Variants in ARPIN observed in about 807,000 individuals in gnomAD.
The protein encoded by ARPIN is actin related protein 2/3 complex inhibitor.
A neutral mutation model predicts 25.9 loss-of-function variants in ARPIN; 23 were observed. The ratio of observed to expected loss-of-function variants is 0.89; its 90% confidence interval spans 0.64 to 1.26. The LOEUF (loss-of-function observed/expected upper bound fraction) is 1.26, where lower values mean the gene tolerates loss of function less well. Ranked by LOEUF, ARPIN falls within the 50% of genes most tolerant of loss-of-function variation. The pLI is 0.00. For missense variants in ARPIN, 333 were observed against 312.2 expected, an observed-to-expected ratio of 1.07 and a Z score of -0.50; for synonymous variants, 126 against 131.4, an observed-to-expected ratio of 0.96 and a Z score of 0.28.
rs1896998416 is a variant in ARPIN at position 89,900,376 on chromosome 15, G to C, written c.*1419C>G. The C allele has an allele frequency of 1.3e-5, 2 of 152,244 alleles. No homozygotes were observed. The highest frequency in any genetic ancestry group is 1.3e-4 in the Admixed American group (2 of 15,280). The allele number at this position is 152,244 out of a possible 1,614,324, so 9.4% of individuals were successfully genotyped here. A position where few individuals can be genotyped will look rare whatever the true frequency, so the allele number is the denominator to read the frequency against. ...TGGGCAGGTTGCTTAACCTGTCTGA[G>C]ACCCTTTTCCTGCTCTGTAATATGA... is the stretch of plus-strand genomic sequence containing the variant. On this transcript the variant is annotated 3_prime_UTR_variant, in exon 6 of 6. Coordinates refer to ENST00000357484, the MANE Select transcript of ARPIN (RefSeq NM_182616.4).
chr15:89,910,179 G>T (rs1897197907), intron 2 of ARPIN, among the ~76,000 whole-genome samples: 1 of 152,162 alleles, frequency 6.6e-6, no homozygotes, highest in South Asian at 2.1e-4. Flanking sequence ...CCTACTGGAG[G>T]GGGCATTTTT....
chr15:89,903,052 G>A (rs970500415), intron 5 of ARPIN, 164 bp downstream of exon 5: 77 of 1,509,720 alleles, frequency 5.1e-5, no homozygotes, highest in Non-Finnish European at 6.2e-5. Flanking sequence ...TCATACCTTA[G>A]AGGAATTCTC....
At chr15:89,908,095 C>T (rs940806273) in intron 3 of ARPIN, among the ~76,000 whole-genome samples, 185 bp downstream of exon 3, 7 of 152,144 alleles carry the variant, frequency 4.6e-5, no homozygotes, top group Non-Finnish European at 7.4e-5. Flanking sequence ...GGGGAGGGAA[C>T]GGGGATCCTC....
At chr15:89,904,313 G>A (rs1040134195) in intron 3 of ARPIN, among the ~76,000 whole-genome samples, 8 of 152,188 alleles carry the variant, frequency 5.3e-5, no homozygotes, top group African/African-American at 1.4e-4. Context: ...GTAGCACAGC[G>A]CCTGGCACAT....
At chr15:89,908,789 C>A (rs1203110946) in intron 2 of ARPIN, among the ~76,000 whole-genome samples, 3 of 152,074 alleles carry the variant, frequency 2.0e-5, no homozygotes, top group Non-Finnish European at 4.4e-5. Context: ...CGAGACCAGC[C>A]TGGCCAGCAT....
intron 2 of ARPIN, 82 bp downstream of exon 2, chr15:89,910,662 G>A: frequency 6.4e-7 from 1 of 1,565,984 alleles, no homozygotes; most frequent in South Asian, 1.1e-5. Context: ...GGCACTGGAA[G>A]GACCCAGCAC....
At position 89,912,849 on chromosome 15, in the gene ARPIN, C is replaced by A; in HGVS notation, c.-14G>T. The A allele has an allele frequency of 6.6e-7, 1 of 1,516,782 alleles. No homozygotes were observed. Among genetic ancestry groups the A allele is most frequent in the Middle Eastern group, 2.3e-4 (1 of 4,334 alleles). 94.0% of individuals were successfully genotyped at this position (1,516,782 alleles called of 1,614,324 possible). A position where few individuals can be genotyped will look rare whatever the true frequency, so the allele number is the denominator to read the frequency against. On this transcript the variant is annotated 5_prime_UTR_variant, in exon 1 of 6. Transcript: ENST00000357484. ...GATGCGGCTCATTCTCCCGACCGCC[C>A]GGGCACCCCGGCACAGAGCCGGCGC...
In ARPIN at chr15:89,901,789, C is replaced by T. The variant is rs1231369483; in HGVS notation, c.*6G>A. On this transcript the variant is annotated 3_prime_UTR_variant, in exon 6 of 6. Coordinates refer to ENST00000357484, the MANE Select transcript of ARPIN (RefSeq NM_182616.4). ...GTGCTGGTGCCCCCAGAGGCAGCCA[C>T]GTCCCTCAGTCATCCTAGAGAAATC... 4 of 1,613,876 alleles carry T rather than the reference C, an allele frequency of 2.5e-6. No individual in the cohort carries two copies. Among genetic ancestry groups the T allele is most frequent in the East Asian group, 4.5e-5 (2 of 44,890 alleles).
At chr15:89,912,409 G>T in intron 1 of ARPIN, 1 of 1,120,786 alleles carries the variant, frequency 8.9e-7, no homozygotes, top group Admixed American at 5.2e-5. Context: ...AGCGCGGCAA[G>T]TAGCTGGAGT....
intron 2 of ARPIN, 140 bp downstream of exon 2, chr15:89,910,604 G>A: frequency 1.0e-6 from 1 of 987,512 alleles, no homozygotes; most frequent in South Asian, 1.5e-5. Context: ...TAAATCTCCT[G>A]ACCTACTTCC....
Position 89,908,402 on chromosome 15 carries a change from T to C in ARPIN, c.179A>G (p.Tyr60Cys), listed in dbSNP as rs1185302328. Residue 60 changes from tyrosine to cysteine, a missense_variant, in exon 3 of 6, where the codon TAC becomes TGC. Coordinates refer to ENST00000357484, the MANE Select transcript of ARPIN (RefSeq NM_182616.4). ...LDTHGRKERY[Y>C]VLYIRPSHIH... ...GTGACTGGGCCGGATATACAGCACG[T>C]AGTAGCGCTCCTGGGGCCAGGCAGA... is the stretch of plus-strand genomic sequence containing the variant. 1.2e-6 allele frequency: 2 copies of C among 1,613,896 alleles called. No homozygotes were observed. Among genetic ancestry groups the C allele is most frequent in the Non-Finnish European group, 1.7e-6 (2 of 1,179,982 alleles).
In ARPIN at chr15:89,896,996, A is replaced by G. The variant is rs961942379; in HGVS notation, c.*4799T>C. ...CAAGAACTTTGCAAAAGATTTCTAG[A>G]TTCTCAGTAATATGACTCCTGGGCA... is the stretch of plus-strand genomic sequence containing the variant. On this transcript the variant is annotated 3_prime_UTR_variant, in exon 6 of 6. Transcript: ENST00000357484. The G allele has an allele frequency of 3.3e-5, 5 of 152,256 alleles. No individual in the cohort carries two copies. Among genetic ancestry groups the G allele is most frequent in the Non-Finnish European group, 5.9e-5 (4 of 68,036 alleles). The allele number at this position is 152,256 out of a possible 1,614,324, so 9.4% of individuals were successfully genotyped here. A position where few individuals can be genotyped will look rare whatever the true frequency, so the allele number is the denominator to read the frequency against.
chr15:89,901,865 G>C (rs1339284032), intron 5 of ARPIN, 62 bp from the exon 6 acceptor site: 1 of 1,588,978 alleles, frequency 6.3e-7, no homozygotes, highest in Non-Finnish European at 8.6e-7. Context: ...GTCACTGCAA[G>C]TTATCAGACA....
In ARPIN at chr15:89,908,564, C is replaced by A. The variant is rs192691585; in HGVS notation, c.169-152G>T. The stretch of plus-strand genomic sequence containing the variant: ...CAAGCTAGGCAGATGCTCCCTCTGC[C>A]CCCAAATACTTATGCATTCATGGGT... On this transcript the variant is annotated intron_variant, in intron 2 of 5. Transcript: ENST00000357484. 4.3e-3 allele frequency: 5,832 copies of A among 1,356,662 alleles called. 29 individuals are homozygous for A. Among genetic ancestry groups the A allele is most frequent in the Middle Eastern group, 0.027 (110 of 4,052 alleles). 84.0% of individuals were successfully genotyped at this position (1,356,662 alleles called of 1,614,324 possible).
At position 89,897,623 on chromosome 15, in the gene ARPIN, T is replaced by C. The variant is rs1896950777; in HGVS notation, c.*4172A>G. ...TTTGTCTAGCAGGTTTTCCAGTTTGTACCAGAAAACCCCTATGCAAGTTTA... is the reference window on the plus strand; with the variant it reads ...TTTGTCTAGCAGGTTTTCCAGTTTGCACCAGAAAACCCCTATGCAAGTTTA... On this transcript the variant is annotated 3_prime_UTR_variant, in exon 6 of 6. Transcript: ENST00000357484. 6.6e-6 allele frequency: 1 copy of C among 152,212 alleles called. No homozygotes were observed. The allele number at this position is 152,212 out of a possible 1,614,324, so 9.4% of individuals were successfully genotyped here. A position where few individuals can be genotyped will look rare whatever the true frequency, so the allele number is the denominator to read the frequency against.
intron 1 of ARPIN, chr15:89,912,529 G>C (rs913863433): frequency 2.3e-6 from 3 of 1,305,364 alleles, no homozygotes; most frequent in Non-Finnish European, 2.9e-6. Context: ...CGGACAGGCG[G>C]GGAGCTTTAA....
At chr15:89,908,727 T>C (rs1296908793) in intron 2 of ARPIN, among the ~76,000 whole-genome samples, 1 of 152,072 alleles carries the variant, frequency 6.6e-6, no homozygotes, top group Non-Finnish European at 1.5e-5. Flanking sequence ...CTCACGTCTG[T>C]AATCCCAGCA....
chr15:89,912,673 C>T, intron 1 of ARPIN, 71 bp downstream of exon 1: 4 of 1,158,586 alleles, frequency 3.5e-6, no homozygotes, highest in Middle Eastern at 3.7e-4. Flanking sequence ...TCCCACCCCC[C>T]CACCCGATCC....
intron 5 of ARPIN, among the ~76,000 whole-genome samples, chr15:89,902,325 T>C (rs1464209259): frequency 1.3e-5 from 2 of 152,036 alleles, no homozygotes; most frequent in African/African-American, 4.8e-5. Flanking sequence ...GGAGAATTGC[T>C]TGAACCCGGG....
Sources: gnomAD v4.1 joint callset for allele counts (sites outside exome capture counted in the v4.1 genomes callset) on GRCh38, gnomAD v4.1.1 for gene constraint, MANE v1.5 for transcripts, NCBI Gene and HGNC (gene_info 2026-07-23, HGNC 2026-07-21) for gene names.